GRID1: variants seen among roughly 807,000 people sequenced by gnomAD.
The protein encoded by GRID1 is glutamate receptor ionotropic, delta-1.
A neutral mutation model predicts 98.0 loss-of-function variants in GRID1; 28 were observed. That is an observed-to-expected ratio of 0.29 (90% CI 0.21 to 0.39). The LOEUF (loss-of-function observed/expected upper bound fraction) is 0.39. Ranked by LOEUF, GRID1 falls within the 10% of genes least tolerant of loss-of-function variation. The pLI is 1.00. For missense variants in GRID1, 1,111 were observed against 1,340.5 expected, an observed-to-expected ratio of 0.83 and a Z score of 2.67; for synonymous variants, 553 against 538.5, an observed-to-expected ratio of 1.03 and a Z score of -0.37.
chr10:86,132,805 G>T (rs1216752532), intron 4 of GRID1, among the ~76,000 whole-genome samples: 4 of 152,232 alleles, frequency 2.6e-5, no homozygotes, highest in Non-Finnish European at 4.4e-5. Flanking sequence ...TTGAAGACAG[G>T]ACTAAACCCA....
intron 8 of GRID1, among the ~76,000 whole-genome samples, chr10:85,810,895 T>C (rs2131744271): frequency 6.6e-6 from 1 of 152,184 alleles, no homozygotes; most frequent in South Asian, 2.1e-4. Context: ...CCAGAGACCC[T>C]GACCCCGGTG....
intron 2 of GRID1, among the ~76,000 whole-genome samples, chr10:86,342,564 G>C (rs1848323865): frequency 6.6e-6 from 1 of 152,226 alleles, no homozygotes; most frequent in South Asian, 2.1e-4. Flanking sequence ...GGGGGACTGA[G>C]ACCCACGGGC....
intron 6 of GRID1, among the ~76,000 whole-genome samples, chr10:85,859,597 C>G (rs1220969387): frequency 1.3e-5 from 2 of 152,190 alleles, no homozygotes; most frequent in East Asian, 1.9e-4. Context: ...GCAATTTGTT[C>G]TTGTCTAAAA....
intron 4 of GRID1, among the ~76,000 whole-genome samples, chr10:85,921,798 C>G (rs952000726): frequency 5.9e-5 from 9 of 152,214 alleles, no homozygotes; most frequent in Non-Finnish European, 5.9e-5. Context: ...GGGTCCCCTT[C>G]CTCTGTGTCC....
At chr10:86,283,604 A>G (rs189321611) in intron 2 of GRID1, among the ~76,000 whole-genome samples, 1 of 148,764 alleles carries the variant, frequency 6.7e-6, no homozygotes, top group East Asian at 2.0e-4. Context: ...CACATATGCA[A>G]ATAAGGTGTG....
rs150629820 is a variant in GRID1, at chr10:86,137,731, G to A, written c.726+1088C>T. Among the ~76,000 whole-genome samples the A allele has an allele frequency of 2.6e-3, 390 of 152,076 alleles. 3 individuals carry two copies. Among genetic ancestry groups the A allele is most frequent in the African/African-American group, 8.9e-3 (370 of 41,456 alleles). On this transcript the variant is annotated intron_variant, in intron 4 of 15. Coordinates refer to ENST00000327946, the MANE Select transcript of GRID1 (RefSeq NM_017551.3). The stretch of plus-strand genomic sequence containing the variant: ...AGCCGACAGGACATCACAGCCTGGC[G>A]GACCACCGGCGTGATTCGGGGCCTG...
At position 85,600,065 on chromosome 10, in the gene GRID1, G is replaced by A. The variant is rs1381717520; in HGVS notation, c.*2208C>T. 1 of 151,866 alleles carries A rather than the reference G, an allele frequency of 6.6e-6. No homozygotes were observed. The highest frequency in any genetic ancestry group is 2.4e-5 in the African/African-American group (1 of 41,048). 9.4% of individuals were successfully genotyped at this position (151,866 alleles called of 1,614,324 possible). Reference sequence around the variant, plus strand: ...ACCCCAGAAGACAGGCCATCTCAGGGGGCAATGAGGAAACAGAGTTGGTGT... The same window carrying A: ...ACCCCAGAAGACAGGCCATCTCAGGAGGCAATGAGGAAACAGAGTTGGTGT... On this transcript the variant is annotated 3_prime_UTR_variant, in exon 16 of 16. Transcript: ENST00000327946.
intron 4 of GRID1, among the ~76,000 whole-genome samples, chr10:86,091,455 C>G (rs965954821): frequency 6.6e-6 from 1 of 152,086 alleles, no homozygotes; most frequent in Admixed American, 6.5e-5. Flanking sequence ...AATCTCACCC[C>G]CATCCCCCAC....
chr10:85,924,615 G>A (rs1179201407), intron 4 of GRID1, among the ~76,000 whole-genome samples: 1 of 152,176 alleles, frequency 6.6e-6, no homozygotes, highest in Non-Finnish European at 1.5e-5. Context: ...AGATATTACT[G>A]AAAGAGAGTT....
At chr10:85,639,586 A>G (rs1303246345) in intron 13 of GRID1, among the ~76,000 whole-genome samples, 1 of 152,218 alleles carries the variant, frequency 6.6e-6, no homozygotes, top group African/African-American at 2.4e-5. Context: ...TTGCCTTTTT[A>G]AAAAATCTTT....
chr10:85,773,421 G>T (rs1842294319), intron 8 of GRID1, among the ~76,000 whole-genome samples: 1 of 152,200 alleles, frequency 6.6e-6, no homozygotes, highest in African/African-American at 2.4e-5. Flanking sequence ...CACAAGACAG[G>T]GATGCCCCCT....
At chr10:86,168,414 G>A (rs958527421) in intron 3 of GRID1, among the ~76,000 whole-genome samples, 1 of 152,116 alleles carries the variant, frequency 6.6e-6, no homozygotes, top group Non-Finnish European at 1.5e-5. Flanking sequence ...ACTGAGATGG[G>A]AGGCCCTGCC....
intron 12 of GRID1, among the ~76,000 whole-genome samples, chr10:85,697,298 C>T (rs1437280499): frequency 2.1e-5 from 2 of 95,714 alleles, no homozygotes; most frequent in African/African-American, 8.6e-5. Flanking sequence ...TTTGTTGCTC[C>T]ATTTTGTGCA....
chr10:86,031,717 T>C (rs1843188318), intron 4 of GRID1, among the ~76,000 whole-genome samples: 1 of 152,110 alleles, frequency 6.6e-6, no homozygotes, highest in Non-Finnish European at 1.5e-5. Flanking sequence ...CCCACCATGG[T>C]CTGTTCTTCA....
intron 14 of GRID1, among the ~76,000 whole-genome samples, chr10:85,615,764 C>G (rs1409168540): frequency 6.6e-6 from 1 of 152,184 alleles, no homozygotes; most frequent in East Asian, 1.9e-4. Flanking sequence ...TACATGTCTG[C>G]CTGTTCACTG....
chr10:86,299,166 C>G (rs2492733), intron 2 of GRID1, among the ~76,000 whole-genome samples: 131,392 of 151,072 alleles, frequency 0.87, 57,662 homozygotes, highest in Non-Finnish European at 0.91. Flanking sequence ...TGCAGGACAA[C>G]AACTAGCTTT....
intron 8 of GRID1, among the ~76,000 whole-genome samples, chr10:85,797,454 A>G (rs1842535409): frequency 6.6e-6 from 1 of 151,646 alleles, no homozygotes; most frequent in Non-Finnish European, 1.5e-5. Context: ...TTTGAGACCA[A>G]GTTTTGCTCT....
At chr10:85,620,858 A>T (rs547157586) in intron 13 of GRID1, among the ~76,000 whole-genome samples, 3 of 152,216 alleles carry the variant, frequency 2.0e-5, no homozygotes, top group Non-Finnish European at 4.4e-5. Context: ...ACACACTCAC[A>T]TGCATATATG....
chr10:86,036,487 G>A (rs907198320), intron 4 of GRID1, among the ~76,000 whole-genome samples: 9 of 152,138 alleles, frequency 5.9e-5, no homozygotes, highest in Non-Finnish European at 8.8e-5. Flanking sequence ...CCACATCGCC[G>A]TTCCCCTGTT....
Sources: allele counts gnomAD v4.1 joint callset (sites outside exome capture counted in the v4.1 genomes callset), GRCh38; gene constraint gnomAD v4.1.1; transcripts MANE v1.5; gene names NCBI Gene and HGNC (gene_info 2026-07-23, HGNC 2026-07-21).